GNB1L: variants seen among roughly 807,000 people sequenced by gnomAD.
The protein encoded by GNB1L is guanine nucleotide-binding protein subunit beta-like protein 1.
GNB1L carries 20 observed loss-of-function variants against 29.1 expected under a neutral mutation model. The ratio of observed to expected loss-of-function variants is 0.69; its 90% CI spans 0.48 to 1.00. GNB1L has a LOEUF of 1.00. GNB1L is among the 50% of genes least tolerant of loss of function. The probability of loss-of-function intolerance (pLI) is 0.00; values close to 1 mark genes in which losing one functional copy is unlikely to be tolerated. For missense variants in GNB1L, 421 were observed against 464.9 expected, an observed-to-expected ratio of 0.91 and a Z score of 0.87; for synonymous variants, 193 against 206.5, an observed-to-expected ratio of 0.93 and a Z score of 0.56.
At chr22:19,801,252 T>C (rs1937367089) in intron 7 of GNB1L, among the ~76,000 whole-genome samples, 5 of 152,118 alleles carry the variant, frequency 3.3e-5, no homozygotes, top group Admixed American at 3.3e-4. Flanking sequence ...TGGGGGCTCC[T>C]TGTCCACCCC....
chr22:19,827,788 T>C (rs1202800196), intron 2 of GNB1L, among the ~76,000 whole-genome samples: 2 of 152,192 alleles, frequency 1.3e-5, no homozygotes, highest in Admixed American at 6.5e-5. Flanking sequence ...TGACTCCATC[T>C]TGCACACCGT....
At chr22:19,847,456 C>G in intron 2 of GNB1L, 2 of 985,440 alleles carry the variant, frequency 2.0e-6, no homozygotes, top group Non-Finnish European at 2.4e-6. Flanking sequence ...AGCCAAGGCA[C>G]TGCATGGGCA....
At chr22:19,819,772 G>A (rs1052833929) in intron 4 of GNB1L, among the ~76,000 whole-genome samples, 5 of 152,176 alleles carry the variant, frequency 3.3e-5, no homozygotes, top group East Asian at 3.9e-4. Flanking sequence ...ACGTGAGCTC[G>A]GGGCCCTGAG....
At chr22:19,849,009 C>T in intron 2 of GNB1L, 1 of 985,564 alleles carries the variant, frequency 1.0e-6, no homozygotes, top group Non-Finnish European at 1.2e-6. Flanking sequence ...AGGGAGCAGT[C>T]TGACCCAACC....
rs112820440 is a variant in GNB1L, at chr22:19,815,027, C to A, written c.255-2580G>T. Among the ~76,000 whole-genome samples the A allele has an allele frequency of 8.3e-3, 1,251 of 150,710 alleles. 12 individuals are homozygous for A. Among genetic ancestry groups the A allele is most frequent in the Non-Finnish European group, 0.014 (957 of 67,712 alleles). ...CTCCAGCCTTGGTGACAAAGCAAGA[C>A]CCTGCCTCAAAAAAAAAAAAAAGAC... On this transcript the variant is annotated intron_variant, in intron 4 of 7. Transcript: ENST00000329517.
rs771148570 is a variant in GNB1L at position 19,795,706 on chromosome 22, G to GT, written c.732+6294dup. 2.0e-5 allele frequency among the ~76,000 whole-genome samples: 3 copies of GT among 152,274 alleles called. No individual in the cohort carries two copies. The South Asian group carries it at 6.2e-4, about 32-fold the overall frequency. Reference sequence around the variant, plus strand: ...TGAACTGAATTAAAATGAAGACACAGTAAGTCAAAGCCAATGAGACTGAGT... The same window carrying GT: ...TGAACTGAATTAAAATGAAGACACAGTTAAGTCAAAGCCAATGAGACTGAGT... On this transcript the variant is annotated intron_variant, in intron 7 of 7. Coordinates refer to ENST00000329517, the MANE Select transcript of GNB1L (RefSeq NM_053004.3).
At position 19,821,242 on chromosome 22, in the gene GNB1L, C is replaced by T. The variant is rs766445990; in HGVS notation, c.114G>A (p.Pro38=). ...CAGCTACTCACCCTGAGAAGAGGAG[C>T]GGGCGCCCCTGAGCCTGGGCTCCTT... is the stretch of plus-strand genomic sequence containing the variant. ...FCEGAQAQGR[P]LLFSGSQSGL... The change falls in exon 3 of 8, where the codon CCG becomes CCA. Residue 38 remains proline (P), a synonymous_variant. Coordinates refer to ENST00000329517, the MANE Select transcript of GNB1L (RefSeq NM_053004.3). 2.7e-5 allele frequency: 43 copies of T among 1,610,920 alleles called. No individual in the cohort carries two copies. The Admixed American group carries it at 3.7e-4, about 14-fold the overall frequency.
intron 4 of GNB1L, among the ~76,000 whole-genome samples, chr22:19,813,210 T>A (rs1316597580): frequency 1.3e-5 from 2 of 152,108 alleles, no homozygotes; most frequent in South Asian, 2.1e-4. Flanking sequence ...CGTCTCCCGG[T>A]GCTGTCCACT....
chr22:19,822,965 T>G (rs867834400), intron 2 of GNB1L, among the ~76,000 whole-genome samples: 5 of 152,024 alleles, frequency 3.3e-5, no homozygotes, highest in Admixed American at 1.3e-4. Flanking sequence ...CCTGCCAAGG[T>G]GTCCTGCAGA....
intron 2 of GNB1L, among the ~76,000 whole-genome samples, chr22:19,823,841 C>T (rs919608468): frequency 1.1e-4 from 17 of 152,174 alleles, no homozygotes; most frequent in Admixed American, 4.6e-4. Flanking sequence ...ACACTCATAC[C>T]TACATACACA....
At chr22:19,792,537 C>A in intron 7 of GNB1L, 1 of 1,544,676 alleles carries the variant, frequency 6.5e-7, no homozygotes, top group South Asian at 1.1e-5. Flanking sequence ...TGCAATTAAC[C>A]AGTTCACCTA....
chr22:19,797,933 C>CT (rs1937325833), intron 7 of GNB1L, among the ~76,000 whole-genome samples: 1 of 152,218 alleles, frequency 6.6e-6, no homozygotes. Flanking sequence ...CCTCTCTTGC[C>CT]TGGCAGACCT....
Position 19,821,318 on chromosome 22 carries a change from T to C in GNB1L, c.38A>G (p.Gln13Arg). The part of the protein sequence containing the change: ...APCPPPPPDP[Q>R]FVLRGTQSPV... ...TGACTGGGTGCCTCGGAGGACAAAC[T>C]GGGGGTCTGGAGGTGGCGGCGGGCA... Residue 13 changes from glutamine to arginine, a missense_variant, in exon 3 of 8, where the codon CAG becomes CGG. By Grantham distance (43) the Gln-to-Arg change is conservative. Coordinates refer to ENST00000329517, the MANE Select transcript of GNB1L (RefSeq NM_053004.3). 6.2e-7 allele frequency: 1 copy of C among 1,613,128 alleles called. No individual in the cohort carries two copies. Among genetic ancestry groups the C allele is most frequent in the Non-Finnish European group, 8.5e-7 (1 of 1,179,696 alleles).
chr22:19,852,146 T>C, intron 2 of GNB1L: 1 of 1,614,116 alleles, frequency 6.2e-7, no homozygotes, highest in Non-Finnish European at 8.5e-7. Context: ...AAGGGGGGTG[T>C]ATGCCACCCC....
At chr22:19,797,905 C>T (rs546656659) in intron 7 of GNB1L, among the ~76,000 whole-genome samples, 19 of 152,196 alleles carry the variant, frequency 1.2e-4, no homozygotes, top group Non-Finnish European at 2.5e-4. Flanking sequence ...ACATCCCAGA[C>T]GCTCTGCCTG....
chr22:19,833,542 G>T, intron 2 of GNB1L, among the ~76,000 whole-genome samples: 1 of 152,052 alleles, frequency 6.6e-6, no homozygotes, highest in East Asian at 1.9e-4. Flanking sequence ...TCCAGCCTAG[G>T]CAACAGAGCA....
intron 6 of GNB1L, among the ~76,000 whole-genome samples, chr22:19,803,027 AG>A (rs1272428194): frequency 6.6e-6 from 1 of 152,256 alleles, no homozygotes; most frequent in Non-Finnish European, 1.5e-5. Context: ...AGAAGGCACC[AG>A]GGCGTGTGCC....
intron 2 of GNB1L, chr22:19,850,406 A>C: frequency 1.0e-6 from 1 of 990,556 alleles, no homozygotes; most frequent in Non-Finnish European, 1.2e-6. Context: ...CGGAGTGAGC[A>C]GGGGATGGCA....
rs1569040720 is a variant in GNB1L, at chr22:19,802,227, C to T, written c.517-11G>A. 5 of 1,609,348 alleles carry T rather than the reference C, an allele frequency of 3.1e-6. No homozygotes were observed. The Admixed American group carries it at 8.3e-5, about 27-fold the overall frequency. ...GGAGCTGCAGTCGGCCTGCGGGGAACAGCAGAGCAGTCAGCTCCTGGAAGG... is the reference window on the plus strand; with the variant it reads ...GGAGCTGCAGTCGGCCTGCGGGGAATAGCAGAGCAGTCAGCTCCTGGAAGG... On this transcript the variant is annotated splice_polypyrimidine_tract_variant and intron_variant, in intron 6 of 7. Transcript: ENST00000329517.
Sources: allele counts gnomAD v4.1 joint callset (sites outside exome capture counted in the v4.1 genomes callset), GRCh38; gene constraint gnomAD v4.1.1; transcripts MANE v1.5; gene names NCBI Gene and HGNC (gene_info 2026-07-23, HGNC 2026-07-21).